Variants in CADPS2 observed in about 807,000 individuals in gnomAD.
CADPS2 encodes the protein calcium-dependent secretion activator 2.
In CADPS2, 93 loss-of-function variants were observed where a neutral mutation model predicts 172.5. The observed-to-expected ratio is 0.54, with a 90% CI of 0.46 to 0.64. The LOEUF is 0.64. Among genes scored for constraint, CADPS2 ranks in the 30% least tolerant of loss-of-function variants. The pLI is 0.00. For missense variants in CADPS2, 1,420 were observed against 1,565.9 expected (o/e 0.91, Z 1.57); for synonymous variants, 546 against 555.2 (o/e 0.98, Z 0.23).
Position 122,401,552 on chromosome 7 carries a change from T to C in CADPS2, c.2746+5988A>G, listed in dbSNP as rs75330139. Among the ~76,000 whole-genome samples, 11 of 152,318 alleles carry C rather than the reference T, an allele frequency of 7.2e-5. No homozygotes were observed. In the East Asian group the frequency reaches 1.9e-3, roughly 27 times the overall value. On this transcript the variant is annotated intron_variant, in intron 20 of 29. Coordinates refer to ENST00000449022, the MANE Select transcript of CADPS2 (RefSeq NM_017954.11). ...CAACTATGGAAATAGTGTGCAAGGG[T>C]AGAATCTATTTGTACTAGCTTTATA...
At chr7:122,517,906 A>T (rs981932107) in intron 8 of CADPS2, among the ~76,000 whole-genome samples, 3 of 151,974 alleles carry the variant, frequency 2.0e-5, no homozygotes, top group Non-Finnish European at 4.4e-5. Context: ...TACAAAACTA[A>T]AAAAGCATTT....
rs1588851570 is a variant in CADPS2, at chr7:122,732,581, T to C, written c.453+4374A>G. Reference sequence around the variant, plus strand: ...TTGTTGAAGAATATAATATAATATATATTCTAGGATTAGATCTTTTTGGGT... The same window carrying C: ...TTGTTGAAGAATATAATATAATATACATTCTAGGATTAGATCTTTTTGGGT... On this transcript the variant is annotated intron_variant, in intron 2 of 29. Coordinates refer to ENST00000449022, the MANE Select transcript of CADPS2 (RefSeq NM_017954.11). 2.0e-5 allele frequency among the ~76,000 whole-genome samples: 3 copies of C among 148,406 alleles called. No individual in the cohort carries two copies. In the South Asian group the frequency reaches 6.3e-4, roughly 31 times the overall value.
chr7:122,592,230 T>C (rs2070939174), intron 6 of CADPS2, among the ~76,000 whole-genome samples: 1 of 151,882 alleles, frequency 6.6e-6, no homozygotes, highest in Admixed American at 6.6e-5. Context: ...AAAAGACACA[T>C]GAAAAAATGC....
At chr7:122,336,632 G>C (rs2035897418) in intron 28 of CADPS2, among the ~76,000 whole-genome samples, 1 of 152,194 alleles carries the variant, frequency 6.6e-6, no homozygotes, top group South Asian at 2.1e-4. Context: ...AAAATTGGTA[G>C]AGAGAATATT....
At chr7:122,465,544 C>G (rs2055023011) in intron 14 of CADPS2, among the ~76,000 whole-genome samples, 1 of 152,122 alleles carries the variant, frequency 6.6e-6, no homozygotes, top group African/African-American at 2.4e-5. Context: ...GGAACCTGAA[C>G]CCTATCGTGA....
intron 1 of CADPS2, among the ~76,000 whole-genome samples, chr7:122,818,243 C>T (rs1221795652): frequency 1.3e-5 from 2 of 152,020 alleles, no homozygotes; most frequent in East Asian, 1.9e-4. Flanking sequence ...AAAACCTCTT[C>T]AACTCACACC....
At chr7:122,779,497 C>A (rs917797888) in intron 1 of CADPS2, among the ~76,000 whole-genome samples, 3 of 152,114 alleles carry the variant, frequency 2.0e-5, no homozygotes, top group Admixed American at 6.5e-5. Context: ...AGTCAAAAGG[C>A]CAAGCTCAAA....
At chr7:122,839,843 T>C (rs931635394) in intron 1 of CADPS2, among the ~76,000 whole-genome samples, 5 of 152,214 alleles carry the variant, frequency 3.3e-5, no homozygotes, top group Non-Finnish European at 7.3e-5. Flanking sequence ...GACTGTAAAC[T>C]GGTTCAACCA....
At chr7:122,571,855 G>A (rs1391253577) in intron 7 of CADPS2, among the ~76,000 whole-genome samples, 1 of 151,960 alleles carries the variant, frequency 6.6e-6, no homozygotes, top group African/African-American at 2.4e-5. Flanking sequence ...TAGTTATCAT[G>A]GAACTTCTAA....
intron 14 of CADPS2, among the ~76,000 whole-genome samples, chr7:122,461,675 A>G (rs1586273885): frequency 6.6e-6 from 1 of 151,992 alleles, no homozygotes; most frequent in East Asian, 1.9e-4. Flanking sequence ...GCTCACTGCA[A>G]CCTCTGCCTC....
At chr7:122,645,372 C>T (rs1238130733) in intron 3 of CADPS2, among the ~76,000 whole-genome samples, 13 of 81,712 alleles carry the variant, frequency 1.6e-4, no homozygotes, top group South Asian at 3.0e-4. Context: ...TACATGTATA[C>T]ACACATATGT....
chr7:122,652,814 T>G (rs2135034726), intron 3 of CADPS2, among the ~76,000 whole-genome samples: 1 of 152,314 alleles, frequency 6.6e-6, no homozygotes, highest in Admixed American at 6.5e-5. Context: ...TTTATTCTTT[T>G]TTATGTTTTC....
intron 17 of CADPS2, among the ~76,000 whole-genome samples, chr7:122,428,432 C>G (rs1248464823): frequency 6.7e-6 from 1 of 149,432 alleles, no homozygotes; most frequent in East Asian, 1.9e-4. Flanking sequence ...TATGTGTATA[C>G]CTATACATAT....
At position 122,731,239 on chromosome 7, in the gene CADPS2, C is replaced by CA. The variant is rs113848634; in HGVS notation, c.453+5715dup. On this transcript the variant is annotated intron_variant, in intron 2 of 29. Transcript: ENST00000449022. Reference sequence around the variant, plus strand: ...AAAAGTTGTGAACAAAGCCAAGTCACAAATTTTTTTTTTTTTTAAGAAGCT... The same window carrying CA: ...AAAAGTTGTGAACAAAGCCAAGTCACAAAATTTTTTTTTTTTTTAAGAAGCT... 3.4e-3 allele frequency among the ~76,000 whole-genome samples: 506 copies of CA among 149,232 alleles called. 1 individual carries two copies. Among genetic ancestry groups the CA allele is most frequent in the African/African-American group, 8.1e-3 (334 of 40,982 alleles).
rs751393900 is a variant in CADPS2 at position 122,713,618 on chromosome 7, T to A, written c.453+23337A>T. Among the ~76,000 whole-genome samples the A allele has an allele frequency of 8.6e-5, 13 of 151,758 alleles. No homozygotes were observed. The East Asian group carries it at 2.5e-3, about 29-fold the overall frequency. On this transcript the variant is annotated intron_variant, in intron 2 of 29. Coordinates refer to ENST00000449022, the MANE Select transcript of CADPS2 (RefSeq NM_017954.11). ...TTGTAAGGAAGTTTCTATTTTGACA[T>A]AAAATATTGGTAAAGAAAAAAAAAA...
chr7:122,718,410 G>A (rs1417540594), intron 2 of CADPS2, among the ~76,000 whole-genome samples: 1 of 152,030 alleles, frequency 6.6e-6, no homozygotes, highest in Non-Finnish European at 1.5e-5. Flanking sequence ...GTAGAAAGAG[G>A]GAGGAAGAAA....
chr7:122,372,491 G>A (rs1003777314), intron 25 of CADPS2, among the ~76,000 whole-genome samples: 30 of 152,140 alleles, frequency 2.0e-4, no homozygotes, highest in Non-Finnish European at 3.4e-4. Flanking sequence ...ACTTGGGCTC[G>A]TTCTCATGTT....
chr7:122,417,303 A>G (rs1055613102), intron 17 of CADPS2, among the ~76,000 whole-genome samples: 1 of 152,178 alleles, frequency 6.6e-6, no homozygotes, highest in African/African-American at 2.4e-5. Context: ...TGTGGGGTTC[A>G]CATCCCTCAA....
intron 8 of CADPS2, among the ~76,000 whole-genome samples, chr7:122,542,598 T>C (rs1483044006): frequency 6.6e-6 from 1 of 152,166 alleles, no homozygotes; most frequent in African/African-American, 2.4e-5. Context: ...AGGATAACTT[T>C]ATCTATATTC....
Sources: gnomAD v4.1 joint callset for allele counts (sites outside exome capture counted in the v4.1 genomes callset) on GRCh38, gnomAD v4.1.1 for gene constraint, MANE v1.5 for transcripts, NCBI Gene and HGNC (gene_info 2026-07-23, HGNC 2026-07-21) for gene names.